SLCO3A1: variants seen among roughly 807,000 people sequenced by gnomAD.
SLCO3A1 encodes solute carrier organic anion transporter family member 3A1, also known as PGE1 transporter.
In SLCO3A1, 27 loss-of-function variants were observed where a neutral mutation model predicts 63.1. The ratio of observed to expected loss-of-function variants is 0.43; its 90% CI spans 0.32 to 0.59. SLCO3A1 has a LOEUF of 0.59. Among genes scored for constraint, SLCO3A1 ranks in the 20% least tolerant of loss-of-function variants. SLCO3A1 has a pLI of 0.09. For missense variants in SLCO3A1, 773 were observed against 945.8 expected (o/e 0.82, Z 2.40); for synonymous variants, 473 against 409.9 (o/e 1.15, Z -1.86).
downstream of SLCO3A1, among the ~76,000 whole-genome samples, chr15:92,168,711 A>T (rs912208947): frequency 6.6e-6 from 1 of 152,222 alleles, no homozygotes; most frequent in African/African-American, 2.4e-5. Flanking sequence ...AACACTCCTG[A>T]CCATGAGACT....
chr15:92,105,265 CTCTCA>C (rs962372907), intron 4 of SLCO3A1, among the ~76,000 whole-genome samples: 77 of 152,170 alleles, frequency 5.1e-4, no homozygotes, highest in African/African-American at 1.8e-3. Flanking sequence ...CACAGCAAGA[CTCTCA>C]TCTCAAAAGA....
chr15:92,144,080 G>T (rs560082577), intron 7 of SLCO3A1, among the ~76,000 whole-genome samples: 1 of 152,228 alleles, frequency 6.6e-6, no homozygotes, highest in Non-Finnish European at 1.5e-5. Context: ...CTGTGTGTCC[G>T]TCCTTATGCC....
chr15:91,998,542 C>G (rs1367745101), intron 2 of SLCO3A1, among the ~76,000 whole-genome samples: 1 of 152,040 alleles, frequency 6.6e-6, no homozygotes, highest in Non-Finnish European at 1.5e-5. Flanking sequence ...TGAAAAAATG[C>G]TCAGCATCAC....
rs577635124 is a variant in SLCO3A1, at chr15:91,939,804, C to T, written c.646+23346C>T. On this transcript the variant is annotated intron_variant, in intron 2 of 9. Coordinates refer to ENST00000318445, the MANE Select transcript of SLCO3A1 (RefSeq NM_013272.4). ...CTGCTATAAAGACATCAGCAGCCCC[C>T]GTAGCTCACAGGGTGCTGCTTCGAG... 8.5e-5 allele frequency among the ~76,000 whole-genome samples: 13 copies of T among 152,282 alleles called. No individual in the cohort carries two copies. In the South Asian group the frequency reaches 1.5e-3, roughly 17 times the overall value.
rs997198702 is a variant in SLCO3A1, at chr15:92,033,208, C to T, written c.647-61673C>T. On this transcript the variant is annotated intron_variant, in intron 2 of 9. Coordinates refer to ENST00000318445, the MANE Select transcript of SLCO3A1 (RefSeq NM_013272.4). The surrounding 1 kb of genome is among the most constrained non-coding windows in gnomAD (Gnocchi z 4.5). The stretch of plus-strand genomic sequence containing the variant: ...TGGGATGAGGAAACTGAGGCCATGC[C>T]TACGTAAATGTATTGATTAGAAAAG... Among the ~76,000 whole-genome samples, 15 of 152,142 alleles carry T rather than the reference C, an allele frequency of 9.9e-5. No individual in the cohort carries two copies. The highest frequency in any genetic ancestry group is 1.5e-5 in the Non-Finnish European group (1 of 68,030).
At chr15:91,881,748 A>G (rs1192310644) in intron 1 of SLCO3A1, among the ~76,000 whole-genome samples, 3 of 152,170 alleles carry the variant, frequency 2.0e-5, no homozygotes, top group Non-Finnish European at 4.4e-5. Context: ...AATAAGCAAC[A>G]TGCCGAGTCT....
intron 2 of SLCO3A1, among the ~76,000 whole-genome samples, chr15:91,997,303 G>A (rs560052239): frequency 2.0e-5 from 3 of 152,304 alleles, no homozygotes; most frequent in Admixed American, 1.3e-4. Context: ...TAACCGTGGA[G>A]GTGAAAGATC....
At chr15:91,926,551 G>T (rs1006880597) in intron 2 of SLCO3A1, among the ~76,000 whole-genome samples, 2 of 146,480 alleles carry the variant, frequency 1.4e-5, no homozygotes, top group Non-Finnish European at 3.0e-5. Flanking sequence ...TTTCATTCCT[G>T]CCAAGCCGTG....
chr15:91,959,325 G>T (rs906229444), intron 2 of SLCO3A1, among the ~76,000 whole-genome samples: 2 of 152,084 alleles, frequency 1.3e-5, no homozygotes, highest in African/African-American at 4.8e-5. Flanking sequence ...TATTGGTACA[G>T]TGAACACTGC....
intron 1 of SLCO3A1, among the ~76,000 whole-genome samples, chr15:91,866,021 A>G (rs1897156458): frequency 6.6e-6 from 1 of 152,202 alleles, no homozygotes; most frequent in Non-Finnish European, 1.5e-5. Flanking sequence ...CAATCTTCAC[A>G]GAAATGCGGA....
intron 2 of SLCO3A1, among the ~76,000 whole-genome samples, chr15:92,050,836 A>T (rs1597261218): frequency 6.6e-6 from 1 of 152,186 alleles, no homozygotes; most frequent in African/African-American, 2.4e-5. Context: ...CTATGCTGTT[A>T]CGGCTCGGGA....
chr15:92,029,412 C>G (rs972870091), intron 2 of SLCO3A1, among the ~76,000 whole-genome samples: 6 of 152,238 alleles, frequency 3.9e-5, no homozygotes, highest in African/African-American at 1.4e-4. Context: ...CAACCAGAGA[C>G]TATTCCCAGG....
At chr15:92,040,788 C>T (rs777499657) in intron 2 of SLCO3A1, among the ~76,000 whole-genome samples, 1 of 152,180 alleles carries the variant, frequency 6.6e-6, no homozygotes, top group Non-Finnish European at 1.5e-5. Context: ...TCTTTAATTA[C>T]TGTCCTTTGA....
intron 7 of SLCO3A1, among the ~76,000 whole-genome samples, chr15:92,139,484 G>C (rs2048100792): frequency 6.6e-6 from 1 of 152,122 alleles, no homozygotes; most frequent in Admixed American, 6.6e-5. Flanking sequence ...AATGATGCTG[G>C]CCTCATAAAA....
At chr15:92,011,480 T>TA (rs1046189691) in intron 2 of SLCO3A1, among the ~76,000 whole-genome samples, 2 of 148,448 alleles carry the variant, frequency 1.3e-5, no homozygotes, top group African/African-American at 2.5e-5. Flanking sequence ...ATATCAGTTT[T>TA]AAAAAAAGAT....
In SLCO3A1 at chr15:92,047,506, T is replaced by C. The variant is rs1206851608; in HGVS notation, c.647-47375T>C. Among the ~76,000 whole-genome samples, 2 of 30,236 alleles carry C rather than the reference T, an allele frequency of 6.6e-5. 1 individual carries two copies. Among genetic ancestry groups the C allele is most frequent in the Non-Finnish European group, 1.2e-4 (2 of 17,078 alleles). The allele number at this position is 30,236 out of a possible 152,430, so 19.8% of individuals were successfully genotyped here. ...AAATATATATATAAATATATATAAA[T>C]ATATATAAATACATAAATAAATATA... On this transcript the variant is annotated intron_variant, in intron 2 of 9. Coordinates refer to ENST00000318445, the MANE Select transcript of SLCO3A1 (RefSeq NM_013272.4).
chr15:92,149,341 G>T (rs564242513), intron 8 of SLCO3A1: 75 of 152,384 alleles, frequency 4.9e-4, no homozygotes, highest in African/African-American at 1.6e-3. Flanking sequence ...AGAGGTCCAA[G>T]ACACAGTTTT....
intron 4 of SLCO3A1, among the ~76,000 whole-genome samples, chr15:92,109,031 A>G (rs888812142): frequency 2.0e-5 from 3 of 152,216 alleles, no homozygotes; most frequent in Admixed American, 2.0e-4. Flanking sequence ...AGAACAGTGC[A>G]TAGCATGTAG....
intron 7 of SLCO3A1, among the ~76,000 whole-genome samples, chr15:92,136,968 CT>C (rs60449563): frequency 0.32 from 45,576 of 140,912 alleles, 7,669 homozygotes; most frequent in African/African-American, 0.43. Context: ...AGTAGTCTGT[CT>C]TTTTTTTTTT....
Sources: allele counts gnomAD v4.1 joint callset (sites outside exome capture counted in the v4.1 genomes callset), GRCh38; gene constraint gnomAD v4.1.1; non-coding constraint Gnocchi (gnomAD v3.1); transcripts MANE v1.5; gene names NCBI Gene and HGNC (gene_info 2026-07-23, HGNC 2026-07-21).